SLC17A6: variants seen among roughly 807,000 people sequenced by gnomAD.
SLC17A6 encodes the protein vesicular glutamate transporter 2.
Under a neutral mutation model 67.1 loss-of-function variants are expected in SLC17A6, and 35 were observed. That is an observed-to-expected ratio of 0.52 (90% CI 0.40 to 0.69). The LOEUF (loss-of-function observed/expected upper bound fraction) is 0.69, where lower values mean the gene tolerates loss of function less well. Ranked by LOEUF, SLC17A6 falls within the 30% of genes least tolerant of loss-of-function variation. The pLI is 0.00. For synonymous variants in SLC17A6, 285 were observed against 252.3 expected (o/e 1.13, Z -1.23); for missense variants, 588 against 723.9 (o/e 0.81, Z 2.15).
intron 7 of SLC17A6, among the ~76,000 whole-genome samples, chr11:22,368,166 T>C (rs1473075273): frequency 9.2e-5 from 14 of 152,246 alleles, no homozygotes; most frequent in African/African-American, 3.4e-4. Context: ...TCAGTACTAC[T>C]ATCACACTTA....
chr11:22,352,467 A>G, intron 3 of SLC17A6, among the ~76,000 whole-genome samples: 1 of 152,228 alleles, frequency 6.6e-6, no homozygotes. Context: ...TAGAAGAAAG[A>G]TCTGTTATCA....
intron 8 of SLC17A6, among the ~76,000 whole-genome samples, chr11:22,371,458 T>C (rs1352308813): frequency 6.6e-6 from 1 of 151,970 alleles, no homozygotes; most frequent in Non-Finnish European, 1.5e-5. Context: ...AGAGCTCTTC[T>C]CTCTAGAGCT....
chr11:22,365,727 C>T, intron 7 of SLC17A6, 38 bp downstream of exon 7: 1 of 1,568,146 alleles, frequency 6.4e-7, no homozygotes, highest in Non-Finnish European at 8.6e-7. Flanking sequence ...CTATCTTATT[C>T]CCATCTCGCC....
At position 22,378,131 on chromosome 11, in the gene SLC17A6, T is replaced by C. The variant is rs533454649; in HGVS notation, c.*391T>C. 5.0e-6 allele frequency: 1 copy of C among 199,870 alleles called. No individual in the cohort carries two copies. Among genetic ancestry groups the C allele is most frequent in the South Asian group, 1.8e-4 (1 of 5,566 alleles). The allele number at this position is 199,870 out of a possible 1,614,324, so 12.4% of individuals were successfully genotyped here. A position where few individuals can be genotyped will look rare whatever the true frequency, so the allele number is the denominator to read the frequency against. On this transcript the variant is annotated 3_prime_UTR_variant, in exon 12 of 12. Transcript: ENST00000263160. ...GCACTTATATATTTGTTACACTGTATTGCAAGATAGCACACAGAAGTTGGC... is the reference window on the plus strand; with the variant it reads ...GCACTTATATATTTGTTACACTGTACTGCAAGATAGCACACAGAAGTTGGC...
intron 1 of SLC17A6, among the ~76,000 whole-genome samples, chr11:22,341,235 G>C (rs1397791189): frequency 1.3e-5 from 2 of 152,180 alleles, no homozygotes; most frequent in Non-Finnish European, 2.9e-5. Flanking sequence ...AGCGGCCTGT[G>C]TATCTCAATC....
intron 11 of SLC17A6, 77 bp from the exon 12 acceptor site, chr11:22,377,328 T>C: frequency 7.7e-7 from 1 of 1,300,408 alleles, no homozygotes; most frequent in Non-Finnish European, 1.1e-6. Flanking sequence ...AACTCAGTGG[T>C]GGTGCATTCA....
At position 22,367,000 on chromosome 11, in the gene SLC17A6, G is replaced by A. The variant is rs563571468; in HGVS notation, c.891+1311G>A. Among the ~76,000 whole-genome samples the A allele has an allele frequency of 1.5e-3, 144 of 96,596 alleles. 1 individual carries two copies. Among genetic ancestry groups the A allele is most frequent in the Non-Finnish European group, 4.2e-4 (21 of 50,052 alleles). The allele number at this position is 96,596 out of a possible 152,430, so 63.4% of individuals were successfully genotyped here. On this transcript the variant is annotated intron_variant, in intron 7 of 11. Transcript: ENST00000263160. ...CAGCCTGGGCGACAAACAAGACTCC[G>A]TCTCGAAAAAAAAAAAAAAAAAAAA...
chr11:22,356,270 T>A (rs1403197338), intron 3 of SLC17A6, among the ~76,000 whole-genome samples: 1 of 152,178 alleles, frequency 6.6e-6, no homozygotes, highest in African/African-American at 2.4e-5. Flanking sequence ...GTCTCACAGA[T>A]GTTTGAAGTG....
chr11:22,372,562 C>T (rs1856185523), intron 8 of SLC17A6, among the ~76,000 whole-genome samples: 1 of 151,842 alleles, frequency 6.6e-6, no homozygotes, highest in Admixed American at 6.6e-5. Context: ...TTTGAGCTTC[C>T]TATTTAGGGG....
At chr11:22,339,929 C>T (rs540692042) in intron 1 of SLC17A6, among the ~76,000 whole-genome samples, 2 of 151,936 alleles carry the variant, frequency 1.3e-5, no homozygotes, top group South Asian at 2.1e-4. Flanking sequence ...ACCGCATTGG[C>T]TGAATTTTTT....
At chr11:22,352,691 C>T (rs973425814) in intron 3 of SLC17A6, among the ~76,000 whole-genome samples, 6 of 152,152 alleles carry the variant, frequency 3.9e-5, no homozygotes, top group Admixed American at 2.6e-4. Flanking sequence ...TTAAGTCTTA[C>T]AAAGGTGATC....
intron 10 of SLC17A6, 92 bp downstream of exon 10, chr11:22,376,184 C>A: frequency 2.8e-6 from 2 of 706,520 alleles, no homozygotes; most frequent in Non-Finnish European, 4.6e-6. Context: ...TAGATATCTT[C>A]ATATATATAT....
Position 22,379,438 on chromosome 11 carries a change from T to A in SLC17A6, c.*1698T>A, listed in dbSNP as rs1856271718. 6.6e-6 allele frequency: 1 copy of A among 152,602 alleles called. No homozygotes were observed. The highest frequency in any genetic ancestry group is 6.6e-5 in the Admixed American group (1 of 15,264). The allele number at this position is 152,602 out of a possible 1,614,324, so 9.5% of individuals were successfully genotyped here. A position where few individuals can be genotyped will look rare whatever the true frequency, so the allele number is the denominator to read the frequency against. On this transcript the variant is annotated 3_prime_UTR_variant, in exon 12 of 12. Transcript: ENST00000263160. ...TTTTGTTGTGTTGAATGAAAATATG[T>A]GGACTGTCATTTTGTTGCAGCAAAA...
chr11:22,355,034 A>AT (rs1855981493), intron 3 of SLC17A6, among the ~76,000 whole-genome samples: 1 of 152,224 alleles, frequency 6.6e-6, no homozygotes, highest in Admixed American at 6.5e-5. Flanking sequence ...TATTATTATC[A>AT]TGCAAGTTCC....
In SLC17A6 at chr11:22,341,759, C is replaced by T. The variant is rs1289420055; in HGVS notation, c.318C>T (p.Arg106=). 1.2e-6 allele frequency: 2 copies of T among 1,614,138 alleles called. No individual in the cohort carries two copies. The highest frequency in any genetic ancestry group is 1.3e-5 in the African/African-American group (1 of 75,078). The change falls in exon 2 of 12, where the codon CGC becomes CGT. Residue 106 remains arginine (R), a synonymous_variant. Transcript: ENST00000263160. ...VDMVNNSTIH[R]GGKVIKEKAK... ...TGGTCAACAACAGCACCATCCACCG[C>T]GGGGGCAAGGTCATCAAGGAGGTGG...
chr11:22,342,600 AG>A (rs1855829611), intron 2 of SLC17A6, among the ~76,000 whole-genome samples: 2 of 152,182 alleles, frequency 1.3e-5, no homozygotes, highest in Non-Finnish European at 2.9e-5. Context: ...CAGGCTGCTC[AG>A]GGCGGAATTA....
chr11:22,373,902 T>C (rs1856201373), intron 8 of SLC17A6, among the ~76,000 whole-genome samples: 1 of 152,152 alleles, frequency 6.6e-6, no homozygotes, highest in Non-Finnish European at 1.5e-5. Flanking sequence ...GATAATCTAA[T>C]TGGAAAGACA....
intron 3 of SLC17A6, among the ~76,000 whole-genome samples, chr11:22,356,646 T>C (rs1488148351): frequency 6.6e-6 from 1 of 152,092 alleles, no homozygotes; most frequent in African/African-American, 2.4e-5. Context: ...ACCAGCCTTG[T>C]CAACCTGGCA....
chr11:22,374,918 T>A (rs1462272811), intron 9 of SLC17A6, 31 bp downstream of exon 9: 1 of 1,586,050 alleles, frequency 6.3e-7, no homozygotes, highest in Non-Finnish European at 8.6e-7. Context: ...AAGGACATGT[T>A]TTTAGTTCAA....
Sources: gnomAD v4.1 joint callset for allele counts (sites outside exome capture counted in the v4.1 genomes callset) on GRCh38, gnomAD v4.1.1 for gene constraint, MANE v1.5 for transcripts, NCBI Gene and HGNC (gene_info 2026-07-23, HGNC 2026-07-21) for gene names.